The following TEC variants were observed in gnomAD, a reference collection of about 807,000 sequenced individuals.
TEC encodes tyrosine-protein kinase Tec.
TEC carries 72 observed loss-of-function variants against 93.0 expected under a neutral mutation model. The observed-to-expected ratio is 0.77, with a 90% CI of 0.64 to 0.94. The LOEUF (loss-of-function observed/expected upper bound fraction) is 0.94. TEC is among the 40% of genes least tolerant of loss of function. TEC has a pLI of 0.00. For missense variants in TEC, 630 were observed against 757.9 expected (o/e 0.83, Z 1.98); for synonymous variants, 249 against 247.7 (o/e 1.01, Z -0.05).
intron 2 of TEC, among the ~76,000 whole-genome samples, chr4:48,179,707 G>A (rs185839858): frequency 1.3e-5 from 2 of 152,108 alleles, no homozygotes; most frequent in Admixed American, 1.3e-4. Flanking sequence ...AGAGAGCACA[G>A]AGAACAATGG....
intron 8 of TEC, among the ~76,000 whole-genome samples, chr4:48,157,452 G>T (rs2109526416): frequency 6.6e-6 from 1 of 152,248 alleles, no homozygotes; most frequent in South Asian, 2.1e-4. Context: ...CCAAGCAGCT[G>T]GTCTTCCCTC....
chr4:48,228,062 C>T (rs1005920157), intron 2 of TEC, among the ~76,000 whole-genome samples: 4 of 152,228 alleles, frequency 2.6e-5, no homozygotes, highest in Admixed American at 6.5e-5. Context: ...ACTTCGATAA[C>T]GTGTTGAGTC....
At chr4:48,265,824 A>C (rs1724627531) in intron 1 of TEC, among the ~76,000 whole-genome samples, 1 of 152,098 alleles carries the variant, frequency 6.6e-6, no homozygotes, top group Admixed American at 6.6e-5. Flanking sequence ...CCAATGACAT[A>C]ATTTAAGAAA....
chr4:48,214,837 G>T (rs188750374), intron 2 of TEC, among the ~76,000 whole-genome samples: 1 of 151,908 alleles, frequency 6.6e-6, no homozygotes, highest in African/African-American at 2.4e-5. Context: ...CCGGATGACA[G>T]AGCAAGACCC....
At chr4:48,160,183 G>C (rs1370837963) in intron 8 of TEC, among the ~76,000 whole-genome samples, 2 of 152,226 alleles carry the variant, frequency 1.3e-5, no homozygotes, top group African/African-American at 4.8e-5. Context: ...AGGGCATACA[G>C]CTGGGAAACA....
chr4:48,254,171 G>T (rs1485817727), intron 1 of TEC, among the ~76,000 whole-genome samples: 2 of 152,184 alleles, frequency 1.3e-5, no homozygotes, highest in Non-Finnish European at 2.9e-5. Flanking sequence ...AAAGTTGGTT[G>T]TATCTATGAA....
intron 7 of TEC, among the ~76,000 whole-genome samples, chr4:48,164,499 T>C (rs1362439797): frequency 6.6e-6 from 1 of 152,026 alleles, no homozygotes; most frequent in Non-Finnish European, 1.5e-5. Context: ...AAAAATTGAG[T>C]AGAAACCTTA....
intron 9 of TEC, among the ~76,000 whole-genome samples, chr4:48,153,851 T>C (rs1720286842): frequency 6.6e-6 from 1 of 152,204 alleles, no homozygotes; most frequent in African/African-American, 2.4e-5. Context: ...AAGGGAATTG[T>C]AGCCTTATGG....
At chr4:48,224,840 T>C (rs1334418498) in intron 2 of TEC, among the ~76,000 whole-genome samples, 1 of 152,254 alleles carries the variant, frequency 6.6e-6, no homozygotes, top group Admixed American at 6.5e-5. Flanking sequence ...GCTGTCATCA[T>C]GTTGAAGAAG....
At chr4:48,167,415 G>T (rs896103680) in intron 7 of TEC, among the ~76,000 whole-genome samples, 11 of 151,964 alleles carry the variant, frequency 7.2e-5, no homozygotes, top group African/African-American at 2.7e-4. Context: ...TATATAGAGA[G>T]AGAGAGTCTA....
intron 2 of TEC, among the ~76,000 whole-genome samples, chr4:48,204,385 G>A (rs1722633270): frequency 6.6e-6 from 1 of 152,168 alleles, no homozygotes; most frequent in Non-Finnish European, 1.5e-5. Flanking sequence ...CTCACTGATG[G>A]AGGTTTTAAG....
intron 8 of TEC, among the ~76,000 whole-genome samples, chr4:48,159,827 G>A (rs1377642737): frequency 2.0e-5 from 3 of 152,204 alleles, no homozygotes; most frequent in Non-Finnish European, 4.4e-5. Flanking sequence ...ACAGGTGTGA[G>A]CCACTGTGCC....
At chr4:48,267,911 G>A (rs1229618590) in intron 1 of TEC, among the ~76,000 whole-genome samples, 1 of 152,226 alleles carries the variant, frequency 6.6e-6, no homozygotes, top group Admixed American at 6.5e-5. Flanking sequence ...GGAGGAACCT[G>A]TAGGCAGAGG....
At chr4:48,260,999 C>T (rs1253766090) in intron 1 of TEC, among the ~76,000 whole-genome samples, 1 of 151,944 alleles carries the variant, frequency 6.6e-6, no homozygotes, top group Non-Finnish European at 1.5e-5. Flanking sequence ...TTTTTTTTTA[C>T]TGATGGCAAG....
chr4:48,154,491 T>G (rs1230741129), intron 9 of TEC, among the ~76,000 whole-genome samples: 1 of 152,152 alleles, frequency 6.6e-6, no homozygotes, highest in Non-Finnish European at 1.5e-5. Context: ...CTACCACATG[T>G]AAGAGAAACA....
chr4:48,199,976 T>C (rs1722444846), intron 2 of TEC, among the ~76,000 whole-genome samples: 1 of 151,986 alleles, frequency 6.6e-6, no homozygotes, highest in South Asian at 2.1e-4. Flanking sequence ...AGCTTATAAA[T>C]GAGAATGAGA....
intron 2 of TEC, among the ~76,000 whole-genome samples, chr4:48,196,908 A>G (rs1176659488): frequency 2.6e-5 from 4 of 152,184 alleles, no homozygotes; most frequent in East Asian, 3.8e-4. Flanking sequence ...TTTTAGTTCT[A>G]TCTTACAGTA....
intron 1 of TEC, among the ~76,000 whole-genome samples, chr4:48,239,583 T>C (rs1723872369): frequency 6.6e-6 from 1 of 152,216 alleles, no homozygotes; most frequent in South Asian, 2.1e-4. Context: ...TTGGAAATTA[T>C]ATATAAGATA....
chr4:48,147,341 C>T (rs1560374917), intron 11 of TEC, among the ~76,000 whole-genome samples: 1 of 152,124 alleles, frequency 6.6e-6, no homozygotes, highest in East Asian at 1.9e-4. Flanking sequence ...AAGCATTATT[C>T]ATAAGAGAAC....
Sources: allele counts gnomAD v4.1 joint callset (sites outside exome capture counted in the v4.1 genomes callset), GRCh38; gene constraint gnomAD v4.1.1; transcripts MANE v1.5; gene names NCBI Gene and HGNC (gene_info 2026-07-23, HGNC 2026-07-21).